The following HDAC4 variants were observed in gnomAD, a reference collection of about 807,000 sequenced individuals.
The protein encoded by HDAC4 is histone deacetylase 4.
A neutral mutation model predicts 135.1 loss-of-function variants in HDAC4; 16 were observed. The observed-to-expected ratio is 0.12, with a 90% confidence interval of 0.08 to 0.18. HDAC4 has a LOEUF of 0.18. HDAC4 is among the 10% of genes least tolerant of loss of function. The pLI is 1.00. For synonymous variants in HDAC4, 685 were observed against 653.4 expected, an observed-to-expected ratio of 1.05 and a Z score of -0.74; for missense variants, 1,143 against 1,511.8, an observed-to-expected ratio of 0.76 and a Z score of 4.05.
At chr2:239,214,619 T>TC (rs1308890774) in intron 3 of HDAC4, among the ~76,000 whole-genome samples, 1 of 152,226 alleles carries the variant, frequency 6.6e-6, no homozygotes, top group Non-Finnish European at 1.5e-5. Flanking sequence ...CACCTGTGGC[T>TC]CGCCACGCGT....
chr2:239,147,864 G>A (rs532686907), intron 7 of HDAC4, among the ~76,000 whole-genome samples: 18 of 152,338 alleles, frequency 1.2e-4, no homozygotes, highest in Admixed American at 6.5e-4. Flanking sequence ...TGCCTAGCAG[G>A]TGCCTTCATC....
chr2:239,363,537 G>A (rs1693990458), intron 1 of HDAC4, among the ~76,000 whole-genome samples: 1 of 152,202 alleles, frequency 6.6e-6, no homozygotes, highest in African/African-American at 2.4e-5. Flanking sequence ...GCTGCTCTTT[G>A]ATGCTAAATG....
chr2:239,241,800 T>C (rs899154991), intron 2 of HDAC4, among the ~76,000 whole-genome samples: 1 of 152,202 alleles, frequency 6.6e-6, no homozygotes, highest in Non-Finnish European at 1.5e-5. Context: ...CTCAGTGTTA[T>C]TAAGAGGTCT....
chr2:239,282,399 A>C (rs1200940392), intron 2 of HDAC4, among the ~76,000 whole-genome samples: 1 of 149,942 alleles, frequency 6.7e-6, no homozygotes, highest in Non-Finnish European at 1.5e-5. Flanking sequence ...CACAATGTAC[A>C]CACCACTCTA....
At chr2:239,156,484 T>TTTAG (rs1478817135) in intron 7 of HDAC4, among the ~76,000 whole-genome samples, 168 bp downstream of exon 7, 3 of 152,198 alleles carry the variant, frequency 2.0e-5, no homozygotes, top group Non-Finnish European at 4.4e-5. Flanking sequence ...TAAGGAAATG[T>TTTAG]TTAGGGATAT....
In HDAC4 at chr2:239,139,535, C is replaced by T; in HGVS notation, c.978+149G>A. On this transcript the variant is annotated intron_variant, in intron 9 of 26. Transcript: ENST00000543185. This position sits in a 1 kb window ranked among gnomAD's most constrained non-coding sequence, Gnocchi z 5.3. ...GCAGGAGAGTAACCTCCAACTGCGT[C>T]CTTTTTAGGATGGCTCACAGGCCAC... The T allele has an allele frequency of 1.3e-6, 1 of 770,062 alleles. No homozygotes were observed. The highest frequency in any genetic ancestry group is 1.4e-5 in the South Asian group (1 of 70,888). The allele number at this position is 770,062 out of a possible 1,614,324, so 47.7% of individuals were successfully genotyped here. A position where few individuals can be genotyped will look rare whatever the true frequency, so the allele number is the denominator to read the frequency against.
chr2:239,162,257 C>G lies in HDAC4; in HGVS notation c.611+1546G>C, dbSNP rs1343212225. On this transcript the variant is annotated intron_variant, in intron 6 of 26. Coordinates refer to ENST00000543185, the MANE Select transcript of HDAC4 (RefSeq NM_001378414.1). ...AAAGCTCGCTTGCTCGGCTGCCTCACAGGGGGACCCAAGGCGGCCCTGCCC... is the reference window on the plus strand; with the variant it reads ...AAAGCTCGCTTGCTCGGCTGCCTCAGAGGGGGACCCAAGGCGGCCCTGCCC... The G allele has an allele frequency of 1.3e-5, 6 of 455,524 alleles. No homozygotes were observed. In the East Asian group the frequency reaches 3.5e-4, roughly 26 times the overall value. 28.2% of individuals were successfully genotyped at this position (455,524 alleles called of 1,614,324 possible).
Position 239,336,520 on chromosome 2 carries a change from A to G in HDAC4, c.22+16158T>C, listed in dbSNP as rs1447515171. On this transcript the variant is annotated intron_variant, in intron 2 of 26. Coordinates refer to ENST00000543185, the MANE Select transcript of HDAC4 (RefSeq NM_001378414.1). ...CACATCCATGCACAACCATAAAAAA[A>G]AGAGTCCCCAAAGGAAAAACTGTAA... Among the ~76,000 whole-genome samples, 3 of 152,382 alleles carry G rather than the reference A, an allele frequency of 2.0e-5. No homozygotes were observed. The East Asian group carries it at 5.8e-4, about 29-fold the overall frequency.
At chr2:239,344,788 A>G (rs908137034) in intron 2 of HDAC4, among the ~76,000 whole-genome samples, 1 of 152,316 alleles carries the variant, frequency 6.6e-6, no homozygotes, top group East Asian at 1.9e-4. Flanking sequence ...CATGGGGATC[A>G]AAAGCATCTC....
intron 2 of HDAC4, among the ~76,000 whole-genome samples, chr2:239,315,805 C>T (rs909404197): frequency 2.0e-5 from 3 of 152,110 alleles, no homozygotes; most frequent in African/African-American, 7.2e-5. Flanking sequence ...TACAAGCACT[C>T]AAAGAAAACA....
chr2:239,190,164 C>T (rs2044827868), intron 3 of HDAC4, 87 bp from the exon 4 acceptor site: 1 of 1,437,992 alleles, frequency 7.0e-7, no homozygotes, highest in Non-Finnish European at 9.1e-7. Context: ...CACTGGCCAC[C>T]TTCACGGGGC....
At chr2:239,143,530 G>A (rs2041546655) in intron 8 of HDAC4, among the ~76,000 whole-genome samples, 1 of 152,186 alleles carries the variant, frequency 6.6e-6, no homozygotes, top group Non-Finnish European at 1.5e-5. Flanking sequence ...GAGTTCCCCT[G>A]GGCATGAAGA....
intron 2 of HDAC4, among the ~76,000 whole-genome samples, chr2:239,333,459 A>G (rs1691718098): frequency 6.6e-6 from 1 of 152,196 alleles, no homozygotes; most frequent in African/African-American, 2.4e-5. Flanking sequence ...AAGCATTTCA[A>G]GAAAAAATAA....
At chr2:239,099,682 T>C (rs6724269) in intron 16 of HDAC4, among the ~76,000 whole-genome samples, 44,576 of 152,158 alleles carry the variant, frequency 0.29, 6,745 homozygotes, top group Non-Finnish European at 0.33. Context: ...GCCCCAGCGG[T>C]GCTCCCCGCC....
At chr2:239,137,581 G>A (rs998092795) in intron 9 of HDAC4, among the ~76,000 whole-genome samples, 3 of 152,312 alleles carry the variant, frequency 2.0e-5, no homozygotes, top group African/African-American at 7.2e-5. Flanking sequence ...GGACCCCAGG[G>A]TGAACAGAAA....
At chr2:239,075,783 C>T (rs1368445899) in intron 22 of HDAC4, among the ~76,000 whole-genome samples, 2 of 152,274 alleles carry the variant, frequency 1.3e-5, no homozygotes, top group Admixed American at 1.3e-4. Context: ...CTGAAGACGA[C>T]ATCTCCCCTC....
At chr2:239,244,219 A>G (rs774893942) in intron 2 of HDAC4, among the ~76,000 whole-genome samples, 1 of 152,162 alleles carries the variant, frequency 6.6e-6, no homozygotes, top group African/African-American at 2.4e-5. Flanking sequence ...AAAAGAAACC[A>G]CTTGGTTCTC....
chr2:239,400,777 G>GCGGGCT lies in HDAC4; in HGVS notation c.-220+195_-220+200dup, dbSNP rs1464982557. 8.2e-4 allele frequency: 119 copies of GCGGGCT among 145,716 alleles called. 1 individual carries two copies. The highest frequency in any genetic ancestry group is 2.6e-3 in the African/African-American group (107 of 40,634). 9.0% of individuals were successfully genotyped at this position (145,716 alleles called of 1,614,324 possible). On this transcript the variant is annotated intron_variant, in intron 1 of 26. Coordinates refer to ENST00000543185, the MANE Select transcript of HDAC4 (RefSeq NM_001378414.1). This position sits in a 1 kb window ranked among gnomAD's most constrained non-coding sequence, Gnocchi z 4.7. The stretch of plus-strand genomic sequence containing the variant: ...AGCCTGCGCCGCCACCCGCCGGCGC[G>GCGGGCT]CGGGCTCGGGCTCGGGCGGCGACAG...
intron 9 of HDAC4, among the ~76,000 whole-genome samples, chr2:239,138,907 C>T (rs925766380): frequency 3.3e-5 from 5 of 152,308 alleles, no homozygotes; most frequent in African/African-American, 1.2e-4. Flanking sequence ...GGTCAGTGTG[C>T]GACTCGGCCA....
Sources: allele counts gnomAD v4.1 joint callset (sites outside exome capture counted in the v4.1 genomes callset), GRCh38; gene constraint gnomAD v4.1.1; non-coding constraint Gnocchi (gnomAD v3.1); transcripts MANE v1.5; gene names NCBI Gene and HGNC (gene_info 2026-07-23, HGNC 2026-07-21).